Variants in RSPO2 observed in about 807,000 individuals in gnomAD.
RSPO2 encodes R-spondin 2.
Under a neutral mutation model 30.9 loss-of-function variants are expected in RSPO2, and 14 were observed. The ratio of observed to expected loss-of-function variants is 0.45; its 90% confidence interval spans 0.30 to 0.71. The LOEUF is 0.71. Ranked by LOEUF, RSPO2 falls within the 30% of genes least tolerant of loss-of-function variation. RSPO2 has a pLI of 0.08. For missense variants in RSPO2, 264 were observed against 301.9 expected (o/e 0.87, Z 0.93); for synonymous variants, 107 against 96.4 (o/e 1.11, Z -0.64).
At chr8:108,026,083 T>C (rs1811206535) in intron 2 of RSPO2, among the ~76,000 whole-genome samples, 1 of 152,222 alleles carries the variant, frequency 6.6e-6, no homozygotes, top group African/African-American at 2.4e-5. Context: ...ATGTGCTTCC[T>C]GCTATGAGGC....
chr8:107,984,321 A>G (rs1307891824), intron 3 of RSPO2, among the ~76,000 whole-genome samples: 1 of 152,240 alleles, frequency 6.6e-6, no homozygotes, highest in Non-Finnish European at 1.5e-5. Context: ...TTAATCTATA[A>G]TGCCATAAAT....
intron 3 of RSPO2, among the ~76,000 whole-genome samples, chr8:107,973,557 CACACAG>C (rs1489804545): frequency 2.9e-5 from 4 of 136,640 alleles, no homozygotes; most frequent in African/African-American, 1.1e-4. Flanking sequence ...CACACACACA[CACACAG>C]AACAAGCAAA....
chr8:108,019,131 A>C (rs926326886), intron 2 of RSPO2, among the ~76,000 whole-genome samples: 2 of 152,096 alleles, frequency 1.3e-5, no homozygotes, highest in African/African-American at 2.4e-5. Flanking sequence ...ACTACCCAAC[A>C]CTGATTCTTA....
At chr8:107,923,298 G>C (rs1812245333) in intron 5 of RSPO2, among the ~76,000 whole-genome samples, 1 of 152,132 alleles carries the variant, frequency 6.6e-6, no homozygotes, top group Non-Finnish European at 1.5e-5. Context: ...TGACACACAT[G>C]TGGCCAAGAA....
In RSPO2 at chr8:108,062,890, T is replaced by A. The variant is rs189830678; in HGVS notation, c.94+19655A>T. Among the ~76,000 whole-genome samples the A allele has an allele frequency of 1.3e-5, 2 of 151,810 alleles. 1 individual carries two copies. Among genetic ancestry groups the A allele is most frequent in the Admixed American group, 1.3e-4 (2 of 15,252 alleles). ...AGCTGGTTCAACATACGCAAATCAATAAATGTAATCCAGCATATAAACAGA... is the reference window on the plus strand; with the variant it reads ...AGCTGGTTCAACATACGCAAATCAAAAAATGTAATCCAGCATATAAACAGA... On this transcript the variant is annotated intron_variant, in intron 2 of 5. Transcript: ENST00000276659.
intron 2 of RSPO2, among the ~76,000 whole-genome samples, chr8:108,079,113 G>A (rs1586684921): frequency 6.6e-6 from 1 of 152,226 alleles, no homozygotes; most frequent in Non-Finnish European, 1.5e-5. Flanking sequence ...CAGATAGTAG[G>A]GGTTAACAAT....
intron 5 of RSPO2, among the ~76,000 whole-genome samples, chr8:107,951,350 C>T (rs1813240160): frequency 1.3e-5 from 2 of 152,046 alleles, no homozygotes; most frequent in African/African-American, 4.8e-5. Context: ...CCAGGCCCAA[C>T]TGAGAATAAG....
chr8:107,926,166 C>T (rs1300453328), intron 5 of RSPO2, among the ~76,000 whole-genome samples: 1 of 152,144 alleles, frequency 6.6e-6, no homozygotes, highest in Non-Finnish European at 1.5e-5. Context: ...TGATGGTGAG[C>T]ATTTTTTCAT....
At chr8:108,018,522 T>A (rs1016158521) in intron 2 of RSPO2, among the ~76,000 whole-genome samples, 1 of 152,222 alleles carries the variant, frequency 6.6e-6, no homozygotes, top group Admixed American at 6.5e-5. Context: ...TTTAATAGTT[T>A]AAGCTATTCC....
chr8:107,997,415 A>G (rs1815066786), intron 2 of RSPO2, among the ~76,000 whole-genome samples: 1 of 152,176 alleles, frequency 6.6e-6, no homozygotes, highest in South Asian at 2.1e-4. Context: ...GTGAGCTTCA[A>G]CTTTTCCAAC....
chr8:107,947,947 C>T (rs915155738), intron 5 of RSPO2, among the ~76,000 whole-genome samples: 4 of 152,198 alleles, frequency 2.6e-5, no homozygotes, highest in African/African-American at 9.7e-5. Flanking sequence ...TGTATCTTTC[C>T]TCACAGTGTT....
At chr8:107,905,018 T>C (rs895815746) in intron 5 of RSPO2, among the ~76,000 whole-genome samples, 1 of 152,010 alleles carries the variant, frequency 6.6e-6, no homozygotes, top group African/African-American at 2.4e-5. Context: ...ATTGCTGCTA[T>C]TAGAATCAGA....
At chr8:108,075,582 T>G (rs1465481254) in intron 2 of RSPO2, among the ~76,000 whole-genome samples, 3 of 151,688 alleles carry the variant, frequency 2.0e-5, no homozygotes, top group African/African-American at 2.4e-5. Flanking sequence ...AACAAACAAG[T>G]ATACAGATAC....
At chr8:107,974,940 CT>C (rs1184855714) in intron 3 of RSPO2, among the ~76,000 whole-genome samples, 1 of 151,946 alleles carries the variant, frequency 6.6e-6, no homozygotes, top group African/African-American at 2.4e-5. Flanking sequence ...GTGTACTGTT[CT>C]TTTCTTTAAC....
chr8:107,912,738 T>A (rs908209222), intron 5 of RSPO2, among the ~76,000 whole-genome samples: 28 of 152,146 alleles, frequency 1.8e-4, no homozygotes, highest in African/African-American at 4.8e-5. Context: ...AGTTGGCACT[T>A]CAAAAACTAA....
chr8:108,068,918 C>G (rs1181759315), intron 2 of RSPO2, among the ~76,000 whole-genome samples: 1 of 152,138 alleles, frequency 6.6e-6, no homozygotes, highest in Admixed American at 6.5e-5. Context: ...TGTTTCACAC[C>G]ATCCAGTTTG....
chr8:107,902,796 C>G (rs893007719), intron 5 of RSPO2, among the ~76,000 whole-genome samples: 1 of 152,000 alleles, frequency 6.6e-6, no homozygotes. Flanking sequence ...AAAAGAATAA[C>G]TTATGTTTAA....
At chr8:107,935,083 G>C (rs563599865) in intron 5 of RSPO2, among the ~76,000 whole-genome samples, 1 of 152,288 alleles carries the variant, frequency 6.6e-6, no homozygotes, top group Admixed American at 6.5e-5. Flanking sequence ...GGACCTGACT[G>C]CCTGCGGGGC....
intron 2 of RSPO2, among the ~76,000 whole-genome samples, chr8:108,038,454 T>C (rs1811660230): frequency 1.3e-5 from 2 of 152,200 alleles, no homozygotes; most frequent in Admixed American, 1.3e-4. Flanking sequence ...GAATATTACA[T>C]AAATGTAGTT....
Sources: allele counts gnomAD v4.1 joint callset (sites outside exome capture counted in the v4.1 genomes callset), GRCh38; gene constraint gnomAD v4.1.1; transcripts MANE v1.5; gene names NCBI Gene and HGNC (gene_info 2026-07-23, HGNC 2026-07-21).